Variants in XYLT1 observed in about 807,000 individuals in gnomAD.
XYLT1 encodes beta-D-xylosyltransferase 1.
XYLT1 carries 36 observed loss-of-function variants against 91.3 expected under a neutral mutation model. The ratio of observed to expected loss-of-function variants is 0.39; its 90% CI spans 0.30 to 0.52. The LOEUF is 0.52. XYLT1 is among the 20% of genes least tolerant of loss of function. XYLT1 has a pLI of 0.68. For missense variants in XYLT1, 1,242 were observed against 1,284.5 expected (o/e 0.97, Z 0.51); for synonymous variants, 588 against 532.0 (o/e 1.11, Z -1.45).
At chr16:17,393,372 G>A (rs2035844252) in intron 1 of XYLT1, among the ~76,000 whole-genome samples, 1 of 152,192 alleles carries the variant, frequency 6.6e-6, no homozygotes, top group South Asian at 2.1e-4. Flanking sequence ...GTGGAGTGGT[G>A]AAGTGTGGGC....
At chr16:17,230,647 T>C (rs907403162) in intron 3 of XYLT1, among the ~76,000 whole-genome samples, 2 of 152,208 alleles carry the variant, frequency 1.3e-5, no homozygotes, top group Non-Finnish European at 2.9e-5. Context: ...CCCTGCTCTT[T>C]TGGCAGCCCT....
intron 2 of XYLT1, among the ~76,000 whole-genome samples, chr16:17,328,307 G>T (rs1225673756): frequency 6.6e-6 from 1 of 151,984 alleles, no homozygotes; most frequent in Non-Finnish European, 1.5e-5. Flanking sequence ...AGCACTTTGG[G>T]AGGCTGATGT....
At chr16:17,398,999 C>T (rs2035928891) in intron 1 of XYLT1, among the ~76,000 whole-genome samples, 1 of 151,974 alleles carries the variant, frequency 6.6e-6, no homozygotes, top group African/African-American at 2.4e-5. Flanking sequence ...TGCATGCCGC[C>T]ACACCTGGCT....
chr16:17,377,602 C>A (rs1397068465), intron 1 of XYLT1, among the ~76,000 whole-genome samples: 1 of 152,006 alleles, frequency 6.6e-6, no homozygotes, highest in Non-Finnish European at 1.5e-5. Context: ...GACGACCCTG[C>A]CTTCCATGGA....
At chr16:17,321,370 T>G (rs1172529883) in intron 2 of XYLT1, among the ~76,000 whole-genome samples, 2 of 128,554 alleles carry the variant, frequency 1.6e-5, no homozygotes, top group Non-Finnish European at 3.2e-5. Flanking sequence ...TTTTTTTTTT[T>G]TTTTTTTGAG....
intron 1 of XYLT1, among the ~76,000 whole-genome samples, chr16:17,467,854 TCC>T (rs1933781545): frequency 6.7e-6 from 1 of 149,362 alleles, no homozygotes; most frequent in African/African-American, 2.4e-5. Context: ...ACCCACCCCA[TCC>T]CCACCTGCAA....
At chr16:17,184,140 C>T (rs1324620071) in intron 5 of XYLT1, among the ~76,000 whole-genome samples, 4 of 151,246 alleles carry the variant, frequency 2.6e-5, no homozygotes, top group African/African-American at 4.9e-5. Flanking sequence ...GCATGGATAC[C>T]GTCCATACTC....
At chr16:17,245,045 CAT>C (rs1491175806) in intron 3 of XYLT1, among the ~76,000 whole-genome samples, 3 of 151,982 alleles carry the variant, frequency 2.0e-5, no homozygotes, top group African/African-American at 7.2e-5. Flanking sequence ...TTTTTTTTGA[CAT>C]GTGTTGAGTT....
At chr16:17,368,872 G>A (rs1465416092) in intron 1 of XYLT1, among the ~76,000 whole-genome samples, 1 of 152,042 alleles carries the variant, frequency 6.6e-6, no homozygotes, top group Non-Finnish European at 1.5e-5. Context: ...GCAAGAGTCA[G>A]TGTGCCCAGT....
At chr16:17,283,592 A>C (rs953472150) in intron 2 of XYLT1, among the ~76,000 whole-genome samples, 1 of 152,206 alleles carries the variant, frequency 6.6e-6, no homozygotes, top group African/African-American at 2.4e-5. Context: ...AACTAAGTAG[A>C]ATTTTCAGAT....
chr16:17,300,677 C>G (rs1365172937), intron 2 of XYLT1, among the ~76,000 whole-genome samples: 1 of 151,576 alleles, frequency 6.6e-6, no homozygotes, highest in East Asian at 1.9e-4. Flanking sequence ...CCACGCTGGT[C>G]TGGAACTCCT....
intron 2 of XYLT1, among the ~76,000 whole-genome samples, chr16:17,265,123 G>C (rs13336543): frequency 0.066 from 10,015 of 152,288 alleles, 1,077 homozygotes; most frequent in African/African-American, 0.22. Context: ...AGGAGATGGA[G>C]GTTGCAGTGA....
intron 3 of XYLT1, among the ~76,000 whole-genome samples, chr16:17,207,431 TGC>T: frequency 6.6e-6 from 1 of 152,292 alleles, no homozygotes; most frequent in African/African-American, 2.4e-5. Context: ...TCTTGTAGGA[TGC>T]CAGCCTTGCC....
At chr16:17,207,056 T>C (rs112388679) in intron 3 of XYLT1, among the ~76,000 whole-genome samples, 214 of 50,964 alleles carry the variant, frequency 4.2e-3, no homozygotes, top group East Asian at 0.04. Context: ...TTCTTTCTTT[T>C]TTTTTTTTTT....
At chr16:17,277,779 G>A (rs2033999772) in intron 2 of XYLT1, among the ~76,000 whole-genome samples, 2 of 152,102 alleles carry the variant, frequency 1.3e-5, no homozygotes, top group Non-Finnish European at 2.9e-5. Flanking sequence ...CTGTTCCTGC[G>A]TCATTAATTT....
At chr16:17,358,128 T>TA in intron 1 of XYLT1, 78 bp from the exon 2 acceptor site, 1 of 1,352,712 alleles carries the variant, frequency 7.4e-7, no homozygotes, top group Non-Finnish European at 1.0e-6. Context: ...TTTCTTTCTT[T>TA]CCTTTTTTTT....
chr16:17,401,301 C>T (rs897414060), intron 1 of XYLT1, among the ~76,000 whole-genome samples: 5 of 152,112 alleles, frequency 3.3e-5, no homozygotes, highest in Non-Finnish European at 5.9e-5. Flanking sequence ...ATGGAGCCAC[C>T]CGGGGTGGGA....
intron 2 of XYLT1, among the ~76,000 whole-genome samples, chr16:17,311,176 G>A (rs973342870): frequency 1.3e-5 from 2 of 152,158 alleles, no homozygotes; most frequent in African/African-American, 4.8e-5. Context: ...GTAGCAGAAG[G>A]GGTTACATCA....
intron 2 of XYLT1, among the ~76,000 whole-genome samples, chr16:17,349,144 C>A (rs2035185797): frequency 6.6e-6 from 1 of 152,216 alleles, no homozygotes; most frequent in African/African-American, 2.4e-5. Context: ...GCAAACCGTG[C>A]CACAGCCTGG....
Sources: allele counts gnomAD v4.1 joint callset (sites outside exome capture counted in the v4.1 genomes callset), GRCh38; gene constraint gnomAD v4.1.1; transcripts MANE v1.5; gene names NCBI Gene and HGNC (gene_info 2026-07-23, HGNC 2026-07-21).